SLC5A10: variants seen among roughly 807,000 people sequenced by gnomAD.
SLC5A10 encodes sodium/mannose cotransporter SLC5A10.
A neutral mutation model predicts 68.9 loss-of-function variants in SLC5A10; 55 were observed. That is an observed-to-expected ratio of 0.80 (90% CI 0.64 to 1.00). SLC5A10 has a LOEUF of 1.00. Ranked by LOEUF, SLC5A10 falls within the 50% of genes least tolerant of loss-of-function variation. The probability of loss-of-function intolerance (pLI) is 0.00; values close to 1 mark genes in which losing one functional copy is unlikely to be tolerated. For missense variants in SLC5A10, 732 were observed against 819.3 expected (o/e 0.89, Z 1.30); for synonymous variants, 344 against 344.8 (o/e 1.00, Z 0.02).
In SLC5A10 at chr17:19,015,047, A is replaced by G; in HGVS notation, c.1091-2A>G. ...GGTCACACATCCCCCGTCCCACCCC[A>G]GGTCTGCGGGGGCTGATGATCGCAG... On this transcript the variant is annotated splice_acceptor_variant, in intron 10 of 14. Transcript: ENST00000395645. LOFTEE classifies it high-confidence loss of function. 1.2e-6 allele frequency: 2 copies of G among 1,612,490 alleles called. No homozygotes were observed. Among genetic ancestry groups the G allele is most frequent in the Non-Finnish European group, 1.7e-6 (2 of 1,178,862 alleles).
At chr17:18,979,630 C>G (rs200916723) in intron 9 of SLC5A10, 1 of 1,613,530 alleles carries the variant, frequency 6.2e-7, no homozygotes, top group African/African-American at 1.3e-5. Flanking sequence ...GGTTGCCGAC[C>G]GCGTGAAGAA....
chr17:18,990,623 G>C (rs2043394113), intron 9 of SLC5A10, among the ~76,000 whole-genome samples: 1 of 152,232 alleles, frequency 6.6e-6, no homozygotes, highest in African/African-American at 2.4e-5. Flanking sequence ...AGCCAGGCAG[G>C]GTGCCTGATC....
At chr17:18,958,963 C>T (rs1013424642) in intron 2 of SLC5A10, among the ~76,000 whole-genome samples, 172 bp from the exon 3 acceptor site, 3 of 152,228 alleles carry the variant, frequency 2.0e-5, no homozygotes, top group African/African-American at 7.2e-5. Context: ...CTTACATCCG[C>T]TCCTTAGCTG....
chr17:18,991,557 G>A (rs1306988375), intron 9 of SLC5A10, among the ~76,000 whole-genome samples: 6 of 152,180 alleles, frequency 3.9e-5, no homozygotes, highest in Admixed American at 3.3e-4. Flanking sequence ...TGTTATGTCA[G>A]GGGCCACACT....
Position 18,976,984 on chromosome 17 carries a change from T to A in SLC5A10, c.977T>A (p.Phe326Tyr). Reference protein sequence around the residue: ...IMPGMISRALFPDDVGCVVPS... With the variant: ...IMPGMISRALYPDDVGCVVPS... ...CCGGGCATGATCAGCCGCGCATTGT[T>A]CCCAGGTAGGACGGGCTCCGGGCAC... Residue 326 changes from phenylalanine to tyrosine, a missense_variant, in exon 9 of 15, where the codon TTC becomes TAC. Transcript: ENST00000395645. 6.2e-7 allele frequency: 1 copy of A among 1,612,426 alleles called. No individual in the cohort carries two copies. The highest frequency in any genetic ancestry group is 8.5e-7 in the Non-Finnish European group (1 of 1,179,770).
rs558228631 is a variant in SLC5A10 at position 19,000,756 on chromosome 17, C to G, written c.983-12654C>G. On this transcript the variant is annotated intron_variant, in intron 9 of 14. Transcript: ENST00000395645. The surrounding 1 kb of genome is among the most constrained non-coding windows in gnomAD (Gnocchi z 5.2). ...CAGGCAGAGTTCTCCCTACACAATA[C>G]CAGAGTGAGAAGGGGAGGTGGAAGC... Among the ~76,000 whole-genome samples, 1 of 152,146 alleles carries G rather than the reference C, an allele frequency of 6.6e-6. No individual in the cohort carries two copies. Among genetic ancestry groups the G allele is most frequent in the African/African-American group, 2.4e-5 (1 of 41,436 alleles).
At chr17:18,975,043 A>G (rs1318122383) in intron 8 of SLC5A10, among the ~76,000 whole-genome samples, 1 of 152,236 alleles carries the variant, frequency 6.6e-6, no homozygotes, top group Non-Finnish European at 1.5e-5. Flanking sequence ...CACCTGTCCC[A>G]GGGCCAGCTG....
intron 5 of SLC5A10, among the ~76,000 whole-genome samples, chr17:18,964,283 G>A (rs1409056530): frequency 1.3e-5 from 2 of 152,110 alleles, no homozygotes; most frequent in Non-Finnish European, 2.9e-5. Flanking sequence ...TTTTTTCTGC[G>A]AAAGGCCTGA....
At position 18,978,409 on chromosome 17, in the gene SLC5A10, C is replaced by A; in HGVS notation, c.982+1420C>A. 3.1e-6 allele frequency: 5 copies of A among 1,591,306 alleles called. No individual in the cohort carries two copies. In the East Asian group the frequency reaches 1.1e-4, roughly 36 times the overall value. ...AGCCCAGGATGTCGCTGCCAGGCTCCGGGTCTGGCTCCACCCACGTGGGCA... is the reference window on the plus strand; with the variant it reads ...AGCCCAGGATGTCGCTGCCAGGCTCAGGGTCTGGCTCCACCCACGTGGGCA... On this transcript the variant is annotated intron_variant, in intron 9 of 14. Transcript: ENST00000395645.
intron 8 of SLC5A10, among the ~76,000 whole-genome samples, chr17:18,973,819 A>AC (rs1461640993): frequency 7.3e-6 from 1 of 136,610 alleles, no homozygotes; most frequent in Non-Finnish European, 1.6e-5. Flanking sequence ...TGTCTCAGCC[A>AC]CCCAGGTAGC....
rs1487535939 is a variant in SLC5A10, at chr17:19,021,189, T to G, written c.*758T>G. ...TTTCTCAGCCTCCTGAGAGCTCTGCTGGGCCCCGGTCTGGGCAGAACCTGG... is the reference window on the plus strand; with the variant it reads ...TTTCTCAGCCTCCTGAGAGCTCTGCGGGGCCCCGGTCTGGGCAGAACCTGG... On this transcript the variant is annotated 3_prime_UTR_variant, in exon 15 of 15. Coordinates refer to ENST00000395645, the MANE Select transcript of SLC5A10 (RefSeq NM_001042450.4). The surrounding 1 kb of genome is among the most constrained non-coding windows in gnomAD (Gnocchi z 4.1). 1 of 152,332 alleles carries G rather than the reference T, an allele frequency of 6.6e-6. No individual in the cohort carries two copies. The highest frequency in any genetic ancestry group is 2.4e-5 in the African/African-American group (1 of 41,468). 9.4% of individuals were successfully genotyped at this position (152,332 alleles called of 1,614,324 possible).
chr17:18,958,028 A>G (rs2042538481), intron 1 of SLC5A10, among the ~76,000 whole-genome samples: 1 of 152,190 alleles, frequency 6.6e-6, no homozygotes, highest in Non-Finnish European at 1.5e-5. Context: ...CATGTTGTCA[A>G]GGTCCATCCA....
At position 18,987,666 on chromosome 17, in the gene SLC5A10, GT is replaced by G. The variant is rs368523523; in HGVS notation, c.982+10680del. On this transcript the variant is annotated intron_variant, in intron 9 of 14. Coordinates refer to ENST00000395645, the MANE Select transcript of SLC5A10 (RefSeq NM_001042450.4). Reference sequence around the variant, plus strand: ...TTCTCTGATCCACTTCTGTTCCATGGTTTCCCCCACCCCAAAGGTTCTTTCT... The same window carrying G: ...TTCTCTGATCCACTTCTGTTCCATGGTTCCCCCACCCCAAAGGTTCTTTCT... Among the ~76,000 whole-genome samples, 75 of 152,302 alleles carry G rather than the reference GT, an allele frequency of 4.9e-4. 1 individual carries two copies. The highest frequency in any genetic ancestry group is 1.8e-3 in the African/African-American group (73 of 41,572).
At position 18,976,838 on chromosome 17, in the gene SLC5A10, C is replaced by T. The variant is rs1336336883; in HGVS notation, c.847-16C>T. 8 of 1,612,402 alleles carry T rather than the reference C, an allele frequency of 5.0e-6. No homozygotes were observed. Among genetic ancestry groups the T allele is most frequent in the East Asian group, 2.2e-5 (1 of 44,876 alleles). Reference sequence around the variant, plus strand: ...CCTCAGGCTTGGACTCACCCCGTCTCGCACTCCACCCCCAGGTCATCGTGC... The same window carrying T: ...CCTCAGGCTTGGACTCACCCCGTCTTGCACTCCACCCCCAGGTCATCGTGC... On this transcript the variant is annotated splice_polypyrimidine_tract_variant and intron_variant, in intron 8 of 14. Transcript: ENST00000395645.
At chr17:18,953,738 A>C (rs1366689539) in intron 1 of SLC5A10, 1 of 152,804 alleles carries the variant, frequency 6.5e-6, no homozygotes, top group African/African-American at 2.4e-5. Context: ...TCTGAAACCC[A>C]AAATCTGGAA....
chr17:18,984,744 T>C (rs2152126295), intron 9 of SLC5A10, among the ~76,000 whole-genome samples: 1 of 152,330 alleles, frequency 6.6e-6, no homozygotes, highest in Non-Finnish European at 1.5e-5. Flanking sequence ...CCACACCCAG[T>C]ATCACCCCCA....
In SLC5A10 at chr17:19,019,462, G is replaced by T; in HGVS notation, c.1281G>T (p.Trp427Cys). The T allele has an allele frequency of 6.2e-7, 1 of 1,611,900 alleles. No homozygotes were observed. ...CACTCATCGGCGTGAGTGTGGCCTG[G>T]ATCCCCGTCCTGCAGGACTCCAACA... ...IVALIGVSVA[W>C]IPVLQDSNSG... The change falls in exon 12 of 15, where the codon TGG becomes TGT. Residue 427 changes from tryptophan to cysteine, a missense_variant. Trp to Cys is a radical substitution (Grantham distance 215). Transcript: ENST00000395645.
At chr17:18,982,640 T>TG (rs2043168201) in intron 9 of SLC5A10, among the ~76,000 whole-genome samples, 1 of 152,016 alleles carries the variant, frequency 6.6e-6, no homozygotes, top group Non-Finnish European at 1.5e-5. Context: ...CAAGGCAAGG[T>TG]GGGGGCTCCA....
At position 18,963,942 on chromosome 17, in the gene SLC5A10, C is replaced by A. The variant is rs1256732438; in HGVS notation, c.453+3290C>A. ...CCTCACCCCTCCCTCGCCCTGTTGC[C>A]CCCACCCGCTCCAGCCACACTGGCC... On this transcript the variant is annotated intron_variant, in intron 5 of 14. Transcript: ENST00000395645. Among the ~76,000 whole-genome samples, 5 of 152,362 alleles carry A rather than the reference C, an allele frequency of 3.3e-5. No homozygotes were observed. In the East Asian group the frequency reaches 9.6e-4, roughly 29 times the overall value.
Sources: gnomAD v4.1 joint callset for allele counts (sites outside exome capture counted in the v4.1 genomes callset) on GRCh38, gnomAD v4.1.1 for gene constraint, Gnocchi (gnomAD v3.1) non-coding constraint, MANE v1.5 for transcripts, NCBI Gene and HGNC (gene_info 2026-07-23, HGNC 2026-07-21) for gene names.